Variants in UTRN observed in about 807,000 individuals in gnomAD.
UTRN encodes utrophin, also known as dystrophin-related protein 1.
UTRN carries 283 observed loss-of-function variants against 463.9 expected under a neutral mutation model. The ratio of observed to expected loss-of-function variants is 0.61; its 90% CI spans 0.55 to 0.67. UTRN has a LOEUF of 0.67. Among genes scored for constraint, UTRN ranks in the 30% least tolerant of loss-of-function variants. The pLI is 0.00. For missense variants in UTRN, 3,922 were observed against 4,084.3 expected, an observed-to-expected ratio of 0.96 and a Z score of 1.08; for synonymous variants, 1,442 against 1,431.5, an observed-to-expected ratio of 1.01 and a Z score of -0.17.
chr6:144,436,741 T>A (rs905565782), intron 10 of UTRN, among the ~76,000 whole-genome samples: 8 of 146,072 alleles, frequency 5.5e-5, no homozygotes, highest in Non-Finnish European at 1.0e-4. Flanking sequence ...TGGGTGAGTA[T>A]GGTATTTTAT....
At position 144,817,061 on chromosome 6, in the gene UTRN, A is replaced by G. The variant is rs9390230; in HGVS notation, c.9358-3821A>G. On this transcript the variant is annotated intron_variant, in intron 65 of 74. Coordinates refer to ENST00000367545, the MANE Select transcript of UTRN (RefSeq NM_007124.3). ...TCCATTTTTCTAGAAGCAGTGACAT[A>G]GTCTTGTAAAAAGGCTCAAGTTTTC... Among the ~76,000 whole-genome samples the G allele has an allele frequency of 1.5e-3, 232 of 152,310 alleles. 5 individuals carry two copies. In the East Asian group the frequency reaches 0.038, roughly 25 times the overall value.
intron 51 of UTRN, among the ~76,000 whole-genome samples, chr6:144,615,319 A>G (rs1198303171): frequency 1.3e-5 from 2 of 152,188 alleles, no homozygotes; most frequent in Non-Finnish European, 1.5e-5. Context: ...ATGATTGGAC[A>G]TGATCTTTTA....
chr6:144,751,969 C>A lies in UTRN; in HGVS notation c.8355+17C>A. The A allele has an allele frequency of 6.3e-7, 1 of 1,592,816 alleles. No individual in the cohort carries two copies. Among genetic ancestry groups the A allele is most frequent in the African/African-American group, 1.4e-5 (1 of 73,918 alleles). On this transcript the variant is annotated intron_variant, in intron 56 of 74. Coordinates refer to ENST00000367545, the MANE Select transcript of UTRN (RefSeq NM_007124.3). ...CTTTTACAGGTATCAGCTTATTCCCCTTCATAATGCAGGCTTACACCTTGG... is the reference window on the plus strand; with the variant it reads ...CTTTTACAGGTATCAGCTTATTCCCATTCATAATGCAGGCTTACACCTTGG...
At chr6:144,786,149 C>G (rs553527324) in intron 61 of UTRN, among the ~76,000 whole-genome samples, 2 of 152,270 alleles carry the variant, frequency 1.3e-5, no homozygotes, top group South Asian at 2.1e-4. Context: ...ATTTTACTGT[C>G]TCCCTCTTGT....
At chr6:144,561,370 A>G (rs1272463347) in intron 50 of UTRN, among the ~76,000 whole-genome samples, 2 of 150,792 alleles carry the variant, frequency 1.3e-5, no homozygotes, top group African/African-American at 4.9e-5. Context: ...AACTGTGTGT[A>G]TAGACGTGTT....
At chr6:144,322,226 C>T (rs1775703959) in intron 2 of UTRN, among the ~76,000 whole-genome samples, 1 of 152,076 alleles carries the variant, frequency 6.6e-6, no homozygotes, top group Admixed American at 6.5e-5. Context: ...CTTTTGTTTA[C>T]CTTGGATGGA....
chr6:144,433,127 T>G lies in UTRN; in HGVS notation c.856-2808T>G, dbSNP rs1466395896. 1.1e-3 allele frequency among the ~76,000 whole-genome samples: 165 copies of G among 152,296 alleles called. 1 individual carries two copies. Among genetic ancestry groups the G allele is most frequent in the African/African-American group, 3.8e-3 (160 of 41,570 alleles). On this transcript the variant is annotated intron_variant, in intron 9 of 74. Transcript: ENST00000367545. ...GCAACCATCCGATTTCTCAATCTTT[T>G]CCCCACCTTTCCCCCCTTTCTATTC...
chr6:144,791,611 A>G (rs1390925349), intron 62 of UTRN, among the ~76,000 whole-genome samples: 1 of 151,922 alleles, frequency 6.6e-6, no homozygotes, highest in Non-Finnish European at 1.5e-5. Flanking sequence ...ATCCTTTTAA[A>G]TTATCATTAG....
At chr6:144,315,171 A>C (rs1775201548) in intron 2 of UTRN, among the ~76,000 whole-genome samples, 1 of 152,198 alleles carries the variant, frequency 6.6e-6, no homozygotes, top group South Asian at 2.1e-4. Context: ...ATTTAATGGT[A>C]GCTGAAAGAC....
intron 51 of UTRN, among the ~76,000 whole-genome samples, chr6:144,665,583 T>C (rs1780301939): frequency 6.6e-6 from 1 of 152,216 alleles, no homozygotes; most frequent in African/African-American, 2.4e-5. Flanking sequence ...CAAATACTAA[T>C]TATTAAATAA....
chr6:144,686,415 G>C (rs914627502), intron 52 of UTRN, among the ~76,000 whole-genome samples: 10 of 152,122 alleles, frequency 6.6e-5, no homozygotes, highest in Admixed American at 2.0e-4. Flanking sequence ...GCTTGTTCTA[G>C]AGTGTAGTTT....
At chr6:144,664,663 T>A (rs2128674555) in intron 51 of UTRN, among the ~76,000 whole-genome samples, 1 of 152,056 alleles carries the variant, frequency 6.6e-6, no homozygotes, top group African/African-American at 2.4e-5. Context: ...ACCTCTATTG[T>A]CAGTCAAAAA....
chr6:144,392,783 C>T (rs1179338265), intron 2 of UTRN, among the ~76,000 whole-genome samples: 1 of 152,194 alleles, frequency 6.6e-6, no homozygotes, highest in African/African-American at 2.4e-5. Flanking sequence ...TAGCATCCTA[C>T]CTGTCTCTTT....
At chr6:144,308,184 G>A (rs1234360095) in intron 2 of UTRN, among the ~76,000 whole-genome samples, 1 of 152,148 alleles carries the variant, frequency 6.6e-6, no homozygotes, top group Non-Finnish European at 1.5e-5. Context: ...TTGTTTTAGT[G>A]ATTTGGGTGT....
chr6:144,677,879 G>C (rs530944539), intron 51 of UTRN, among the ~76,000 whole-genome samples: 2 of 152,036 alleles, frequency 1.3e-5, no homozygotes, highest in Non-Finnish European at 2.9e-5. Flanking sequence ...TCATATGTTT[G>C]TTGGCCACAT....
intron 13 of UTRN, among the ~76,000 whole-genome samples, chr6:144,440,831 C>T (rs139943652): frequency 0.011 from 1,707 of 152,278 alleles, 32 homozygotes; most frequent in African/African-American, 0.038. Context: ...TTCCATGTGG[C>T]TGGGGAGACC....
intron 51 of UTRN, among the ~76,000 whole-genome samples, chr6:144,670,397 A>C (rs1780888717): frequency 6.6e-6 from 1 of 151,650 alleles, no homozygotes; most frequent in African/African-American, 2.4e-5. Flanking sequence ...GCATTTTTTC[A>C]TGTGTTTGTT....
chr6:144,712,899 G>T (rs1052816576), intron 53 of UTRN, among the ~76,000 whole-genome samples: 1 of 152,152 alleles, frequency 6.6e-6, no homozygotes. Context: ...CTCCAAATTA[G>T]CCATGGCATG....
At chr6:144,844,283 T>TC (rs1289311840) in intron 73 of UTRN, among the ~76,000 whole-genome samples, 1 of 152,036 alleles carries the variant, frequency 6.6e-6, no homozygotes, top group Non-Finnish European at 1.5e-5. Flanking sequence ...TTTTTTTTTT[T>TC]TCTGAGACAG....
Sources: allele counts gnomAD v4.1 joint callset (sites outside exome capture counted in the v4.1 genomes callset), GRCh38; gene constraint gnomAD v4.1.1; transcripts MANE v1.5; gene names NCBI Gene and HGNC (gene_info 2026-07-23, HGNC 2026-07-21).